OSBPL10: variants seen among roughly 807,000 people sequenced by gnomAD.
The protein encoded by OSBPL10 is oxysterol binding protein like 10, also known as oxysterol-binding protein-related protein 10.
A neutral mutation model predicts 81.7 loss-of-function variants in OSBPL10; 49 were observed. The ratio of observed to expected loss-of-function variants is 0.60; its 90% CI spans 0.48 to 0.76. OSBPL10 has a LOEUF of 0.76. Ranked by LOEUF, OSBPL10 falls within the 30% of genes least tolerant of loss-of-function variation. The pLI is 0.00. For synonymous variants in OSBPL10, 419 were observed against 383.6 expected (o/e 1.09, Z -1.08); for missense variants, 923 against 987.8 (o/e 0.93, Z 0.88).
chr3:32,035,882 A>G (rs1699513537), intron 2 of OSBPL10, among the ~76,000 whole-genome samples: 1 of 152,118 alleles, frequency 6.6e-6, no homozygotes, highest in African/African-American at 2.4e-5. Flanking sequence ...AACCATCACT[A>G]CCATCTATCT....
chr3:31,668,375 A>G (rs1487630118), intron 10 of OSBPL10, among the ~76,000 whole-genome samples: 1 of 152,242 alleles, frequency 6.6e-6, no homozygotes, highest in Non-Finnish European at 1.5e-5. Flanking sequence ...GCAACAGATC[A>G]GATGAGTTGA....
intron 2 of OSBPL10, among the ~76,000 whole-genome samples, chr3:32,006,868 C>A (rs1699211166): frequency 6.6e-6 from 1 of 152,134 alleles, no homozygotes; most frequent in Non-Finnish European, 1.5e-5. Context: ...CTTGCCTTTC[C>A]TTTATGAAAA....
chr3:31,766,337 G>GTTTTTT (rs1259127969), intron 4 of OSBPL10, among the ~76,000 whole-genome samples: 1 of 26,780 alleles, frequency 3.7e-5, no homozygotes, highest in African/African-American at 5.8e-5. Context: ...TTGTTTTTTT[G>GTTTTTT]TTTTTTTTTG....
chr3:31,733,086 G>A (rs1039240295), intron 6 of OSBPL10, 171 bp downstream of exon 6: 3 of 805,064 alleles, frequency 3.7e-6, no homozygotes, highest in East Asian at 2.8e-5. Context: ...ACAAGAACAT[G>A]AGAAGTGCCG....
At chr3:31,958,900 A>C (rs1174205192) in intron 1 of OSBPL10, among the ~76,000 whole-genome samples, 1 of 152,166 alleles carries the variant, frequency 6.6e-6, no homozygotes, top group East Asian at 1.9e-4. Flanking sequence ...GACTCTTTAC[A>C]AAAAAACCTT....
rs138836513 is a variant in OSBPL10, at chr3:31,709,169, C to T, written c.1096-6661G>A. 2,556 of 418,948 alleles carry T rather than the reference C, an allele frequency of 6.1e-3. 12 individuals are homozygous for T. The highest frequency in any genetic ancestry group is 6.6e-3 in the Non-Finnish European group (2,064 of 311,116). The allele number at this position is 418,948 out of a possible 1,614,324, so 26.0% of individuals were successfully genotyped here. ...TGTCCACACAGCAAGCTAGTCCCAG[C>T]TGCCTTTCGGAGATGCTGAGTTTGT... On this transcript the variant is annotated intron_variant, in intron 6 of 11. Transcript: ENST00000396556.
chr3:32,015,221 C>G (rs1699301991), intron 2 of OSBPL10, among the ~76,000 whole-genome samples: 1 of 152,176 alleles, frequency 6.6e-6, no homozygotes, highest in Admixed American at 6.5e-5. Flanking sequence ...GTAACCAAAA[C>G]AGCATGGTAC....
At chr3:31,682,278 C>A (rs564382531) in intron 8 of OSBPL10, among the ~76,000 whole-genome samples, 1 of 152,190 alleles carries the variant, frequency 6.6e-6, no homozygotes, top group Non-Finnish European at 1.5e-5. Context: ...TGAGATTGAG[C>A]CTGGTACTCT....
At chr3:32,031,578 C>G (rs1699469382) in intron 2 of OSBPL10, among the ~76,000 whole-genome samples, 1 of 152,080 alleles carries the variant, frequency 6.6e-6, no homozygotes, top group African/African-American at 2.4e-5. Flanking sequence ...TCTCCTGCCT[C>G]AGCCTCCCAA....
intron 3 of OSBPL10, among the ~76,000 whole-genome samples, chr3:31,869,592 T>C (rs755487689): frequency 3.3e-5 from 5 of 152,182 alleles, no homozygotes; most frequent in Non-Finnish European, 7.3e-5. Flanking sequence ...TCCTCTGCAA[T>C]ATATGAAAAT....
intron 7 of OSBPL10, among the ~76,000 whole-genome samples, chr3:31,690,165 G>A (rs1230261519): frequency 2.0e-5 from 3 of 152,158 alleles, no homozygotes; most frequent in African/African-American, 7.2e-5. Flanking sequence ...GGGCCTGATG[G>A]GAGGTGATTG....
intron 2 of OSBPL10, chr3:31,991,021 A>T (rs1417902996): frequency 6.6e-7 from 1 of 1,507,950 alleles, no homozygotes; most frequent in Non-Finnish European, 8.9e-7. Flanking sequence ...TTCCTGAGAT[A>T]ATTGTTCCAA....
chr3:31,915,651 C>T (rs149962741), intron 1 of OSBPL10, among the ~76,000 whole-genome samples: 1 of 152,208 alleles, frequency 6.6e-6, no homozygotes, highest in African/African-American at 2.4e-5. Context: ...CTATCGCATA[C>T]CATGCTCAGT....
At chr3:31,675,327 T>C (rs1178438357) in intron 8 of OSBPL10, among the ~76,000 whole-genome samples, 1 of 152,176 alleles carries the variant, frequency 6.6e-6, no homozygotes, top group Non-Finnish European at 1.5e-5. Flanking sequence ...ACAGCTGAGA[T>C]TTTCTTCACC....
chr3:31,679,967 C>A (rs763448642), intron 8 of OSBPL10, among the ~76,000 whole-genome samples: 1 of 152,118 alleles, frequency 6.6e-6, no homozygotes, highest in Admixed American at 6.5e-5. Context: ...GTATTCTAAC[C>A]GGAGCTCTTA....
chr3:32,025,001 C>T (rs1336489460), intron 2 of OSBPL10, among the ~76,000 whole-genome samples: 2 of 152,120 alleles, frequency 1.3e-5, no homozygotes, highest in Non-Finnish European at 1.5e-5. Flanking sequence ...TTTTTGGCCT[C>T]ATTATACTGG....
chr3:32,074,961 T>G (rs1699861672), intron 1 of OSBPL10, among the ~76,000 whole-genome samples: 1 of 152,154 alleles, frequency 6.6e-6, no homozygotes, highest in Non-Finnish European at 1.5e-5. Context: ...CAAAATCCAG[T>G]TTGCAGATGG....
intron 4 of OSBPL10, among the ~76,000 whole-genome samples, chr3:31,788,549 T>A (rs1040125879): frequency 6.6e-6 from 1 of 152,148 alleles, no homozygotes; most frequent in African/African-American, 2.4e-5. Context: ...AAATGCATAC[T>A]ATATTTAATC....
intron 7 of OSBPL10, among the ~76,000 whole-genome samples, chr3:31,699,239 A>G (rs1235298565): frequency 6.6e-6 from 1 of 152,142 alleles, no homozygotes; most frequent in Non-Finnish European, 1.5e-5. Flanking sequence ...CAAACTTTCC[A>G]AGGCTTCCCA....
Sources: allele counts gnomAD v4.1 joint callset (sites outside exome capture counted in the v4.1 genomes callset), GRCh38; gene constraint gnomAD v4.1.1; transcripts MANE v1.5; gene names NCBI Gene and HGNC (gene_info 2026-07-23, HGNC 2026-07-21).